NRXN1: variants seen among roughly 807,000 people sequenced by gnomAD.
NRXN1 encodes the protein neurexin-1.
In NRXN1, 39 loss-of-function variants were observed where a neutral mutation model predicts 150.9. The ratio of observed to expected loss-of-function variants is 0.26; its 90% CI spans 0.20 to 0.34. NRXN1 has a LOEUF of 0.34. NRXN1 is among the 10% of genes least tolerant of loss of function. The pLI is 1.00. For missense variants in NRXN1, 1,815 were observed against 1,949.9 expected, an observed-to-expected ratio of 0.93 and a Z score of 1.30; for synonymous variants, 924 against 757.0, an observed-to-expected ratio of 1.22 and a Z score of -3.62.
intron 17 of NRXN1, among the ~76,000 whole-genome samples, chr2:50,248,191 T>C (rs570952355): frequency 6.6e-6 from 1 of 152,116 alleles, no homozygotes; most frequent in South Asian, 2.1e-4. Flanking sequence ...TTTTTTAATA[T>C]TTTCTTAGAG....
At chr2:50,762,877 A>G (rs1356017276) in intron 5 of NRXN1, among the ~76,000 whole-genome samples, 1 of 151,924 alleles carries the variant, frequency 6.6e-6, no homozygotes, top group Non-Finnish European at 1.5e-5. Context: ...CAGTTTTCTA[A>G]GTGTCAGCCA....
At chr2:50,217,749 GC>G (rs2063505001) in intron 18 of NRXN1, among the ~76,000 whole-genome samples, 1 of 152,040 alleles carries the variant, frequency 6.6e-6, no homozygotes, top group South Asian at 2.1e-4. Context: ...TAACAGCAAA[GC>G]TTTAGACTCT....
chr2:50,295,143 T>G (rs2073413301), intron 17 of NRXN1, among the ~76,000 whole-genome samples: 2 of 152,196 alleles, frequency 1.3e-5, no homozygotes, highest in South Asian at 4.1e-4. Context: ...GCCCTGGCCT[T>G]CCTCCCTACC....
At position 50,813,167 on chromosome 2, in the gene NRXN1, C is replaced by T. The variant is rs994872735; in HGVS notation, c.832+108702G>A. Among the ~76,000 whole-genome samples the T allele has an allele frequency of 8.6e-5, 13 of 151,660 alleles. No homozygotes were observed. The East Asian group carries it at 2.5e-3, about 29-fold the overall frequency. ...CATCACTGCCTCATTGCAACTCAAG[C>T]CAGGGTGACAGCAACACCTTGTCTC... On this transcript the variant is annotated intron_variant, in intron 5 of 22. Transcript: ENST00000401669.
At chr2:50,229,879 A>C (rs1487091349) in intron 18 of NRXN1, among the ~76,000 whole-genome samples, 1 of 152,102 alleles carries the variant, frequency 6.6e-6, no homozygotes, top group African/African-American at 2.4e-5. Context: ...GAAAGAATTC[A>C]ACAAGAAGTT....
intron 5 of NRXN1, among the ~76,000 whole-genome samples, chr2:50,773,232 C>T (rs968595969): frequency 2.0e-5 from 3 of 152,154 alleles, no homozygotes; most frequent in African/African-American, 7.2e-5. Flanking sequence ...TGCAAAACTC[C>T]TGTCTCCTCA....
At chr2:50,063,805 G>A (rs1448260466) in intron 19 of NRXN1, among the ~76,000 whole-genome samples, 1 of 152,070 alleles carries the variant, frequency 6.6e-6, no homozygotes, top group Non-Finnish European at 1.5e-5. Flanking sequence ...CAGGAACCAT[G>A]TCTGTCTTGT....
At chr2:50,855,293 A>G (rs2105998041) in intron 5 of NRXN1, among the ~76,000 whole-genome samples, 1 of 152,194 alleles carries the variant, frequency 6.6e-6, no homozygotes, top group Non-Finnish European at 1.5e-5. Flanking sequence ...ACAAGCAATG[A>G]ACGTATGTTT....
At position 50,128,855 on chromosome 2, in the gene NRXN1, C is replaced by T. The variant is rs186615326; in HGVS notation, c.3547-37361G>A. Among the ~76,000 whole-genome samples, 686 of 151,618 alleles carry T rather than the reference C, an allele frequency of 4.5e-3. 4 individuals carry two copies. The highest frequency in any genetic ancestry group is 6.9e-3 in the Non-Finnish European group (470 of 67,906). ...AAAATTAACCGGGCATGGTGGCGGG[C>T]GCCTGTAATCCCAGCTACTCAGAGG... On this transcript the variant is annotated intron_variant, in intron 18 of 22. Coordinates refer to ENST00000401669, the MANE Select transcript of NRXN1 (RefSeq NM_001330078.2).
chr2:50,844,578 AC>A (rs1673360233), intron 5 of NRXN1, among the ~76,000 whole-genome samples: 1 of 152,198 alleles, frequency 6.6e-6, no homozygotes, highest in African/African-American at 2.4e-5. Flanking sequence ...TCCATTTCTT[AC>A]AAAAAGAGAA....
intron 5 of NRXN1, among the ~76,000 whole-genome samples, chr2:50,671,218 A>G (rs1688791146): frequency 6.6e-6 from 1 of 151,804 alleles, no homozygotes; most frequent in Admixed American, 6.6e-5. Context: ...CTTGAGAACA[A>G]CATTTCCCAA....
At chr2:50,175,937 C>A (rs903342243) in intron 18 of NRXN1, among the ~76,000 whole-genome samples, 4 of 152,008 alleles carry the variant, frequency 2.6e-5, no homozygotes, top group Admixed American at 2.0e-4. Flanking sequence ...GCCATGAGGT[C>A]TTTTTAGAGA....
At chr2:50,467,783 T>C (rs1243675260) in intron 16 of NRXN1, among the ~76,000 whole-genome samples, 1 of 151,476 alleles carries the variant, frequency 6.6e-6, no homozygotes, top group Middle Eastern at 3.2e-3. Context: ...AGTTGTTTTT[T>C]TCAACTTAGT....
intron 5 of NRXN1, among the ~76,000 whole-genome samples, chr2:50,686,683 G>A (rs919500958): frequency 1.3e-5 from 2 of 152,160 alleles, no homozygotes; most frequent in Non-Finnish European, 2.9e-5. Flanking sequence ...TGATTCTGCT[G>A]TATCCACCAC....
At chr2:50,278,176 C>T (rs1269055194) in intron 17 of NRXN1, among the ~76,000 whole-genome samples, 2 of 136,844 alleles carry the variant, frequency 1.5e-5, no homozygotes, top group Non-Finnish European at 3.1e-5. Context: ...CTTCCCAAGT[C>T]AGCATCCCAA....
At chr2:49,964,664 AC>A (rs1676628013) in intron 21 of NRXN1, among the ~76,000 whole-genome samples, 1 of 151,960 alleles carries the variant, frequency 6.6e-6, no homozygotes, top group Non-Finnish European at 1.5e-5. Flanking sequence ...ACATGGTGAA[AC>A]CATGTCTCTA....
At chr2:50,852,525 A>T (rs1236199549) in intron 5 of NRXN1, among the ~76,000 whole-genome samples, 29 of 152,168 alleles carry the variant, frequency 1.9e-4, no homozygotes, top group Admixed American at 1.9e-3. Context: ...AAAAAGAGTC[A>T]GGTTCTGGTA....
chr2:50,768,302 G>C (rs764760979), intron 5 of NRXN1, among the ~76,000 whole-genome samples: 5 of 152,036 alleles, frequency 3.3e-5, no homozygotes, highest in Non-Finnish European at 5.9e-5. Flanking sequence ...GGTCAAACCA[G>C]GTAATAACTA....
In NRXN1 at chr2:50,007,944, T is replaced by A. The variant is rs144187550; in HGVS notation, c.4128+45327A>T. Among the ~76,000 whole-genome samples, 30 of 152,242 alleles carry A rather than the reference T, an allele frequency of 2.0e-4. No individual in the cohort carries two copies. The East Asian group carries it at 5.0e-3, about 26-fold the overall frequency. On this transcript the variant is annotated intron_variant, in intron 21 of 22. Transcript: ENST00000401669. ...AGTGTTATTCTAACTCCCAATGCTG[T>A]CTACCTAATGTGAAAGTTCACCATT...
Sources: allele counts gnomAD v4.1 joint callset (sites outside exome capture counted in the v4.1 genomes callset), GRCh38; gene constraint gnomAD v4.1.1; transcripts MANE v1.5; gene names NCBI Gene and HGNC (gene_info 2026-07-23, HGNC 2026-07-21).